AHNAK: variants seen among roughly 807,000 people sequenced by gnomAD.
AHNAK encodes the protein neuroblast differentiation-associated protein AHNAK.
A neutral mutation model predicts 37.8 loss-of-function variants in AHNAK; 23 were observed. That is an observed-to-expected ratio of 0.61 (90% confidence interval 0.44 to 0.86). AHNAK has a LOEUF of 0.86. Ranked by LOEUF, AHNAK falls within the 40% of genes least tolerant of loss-of-function variation. The pLI is 0.00. For synonymous variants in AHNAK, 2,481 were observed against 2,636.3 expected (o/e 0.94, Z 1.80); for missense variants, 7,411 against 7,319.4 (o/e 1.01, Z -0.46).
intron 5 of AHNAK, among the ~76,000 whole-genome samples, chr11:62,446,242 G>T (rs1211241739): frequency 6.6e-6 from 1 of 152,140 alleles, no homozygotes; most frequent in Non-Finnish European, 1.5e-5. Flanking sequence ...AGCCTAGCCT[G>T]TAAGTGCTTG....
rs772081240 is a variant in AHNAK at position 62,491,738 on chromosome 11, TTG to T, written c.434_435del (p.Pro145GlnfsTer16). On this transcript the variant is annotated frameshift_variant, in exon 5 of 6. Transcript: ENST00000257247. LOFTEE classifies it high-confidence loss of function. ...TCCCCATCACTTCTCTCACCTGCAT[TTG>T]GGGTGGAGACTGAAACTGCCCCGGC... The T allele has an allele frequency of 6.2e-7, 1 of 1,610,328 alleles. No homozygotes were observed. Among genetic ancestry groups the T allele is most frequent in the Admixed American group, 1.7e-5 (1 of 59,542 alleles).
chr11:62,524,680 C>T lies in AHNAK; in HGVS notation c.9737G>A (p.Gly3246Asp), dbSNP rs1253721416. The T allele has an allele frequency of 5.6e-6, 9 of 1,614,106 alleles. No homozygotes were observed. The highest frequency in any genetic ancestry group is 6.8e-6 in the Non-Finnish European group (8 of 1,180,054). The change falls in exon 5 of 5, where the codon GGT (glycine) becomes GAT (aspartate). Residue 3246 changes from glycine to aspartate, a missense_variant. Coordinates refer to ENST00000378024, the MANE Select transcript of AHNAK (RefSeq NM_001620.3). ...EVDVSLANVE[G>D]DLKGPALDIK... ...GTCAAGAGCAGGTCCTTTCAAATCA[C>T]CTTCTACATTTGCAAGTGAAACATC...
chr11:62,524,501 T>C lies in AHNAK; in HGVS notation c.9916A>G (p.Lys3306Glu). The C allele has an allele frequency of 3.1e-6, 5 of 1,614,164 alleles. No individual in the cohort carries two copies. The highest frequency in any genetic ancestry group is 1.6e-4 in the Middle Eastern group (1 of 6,062). Reference protein sequence around the residue: ...PEIDLNLKGSKLKGDVDVSGP... With the variant: ...PEIDLNLKGSELKGDVDVSGP... ...GAGACATCAACATCTCCCTTAAGCT[T>C]TGAGCCTTTCAAATTCAAGTCAATT... Residue 3306 changes from lysine to glutamate, a missense_variant, in exon 5 of 5, where the codon AAG (lysine) becomes GAG (glutamate). Transcript: ENST00000378024.
Position 62,522,424 on chromosome 11 carries a change from G to C in AHNAK, c.11993C>G (p.Ala3998Gly). ...KFKMPEMNIK[A>G]PKISMPDFDL... Reference sequence around the variant, plus strand: ...AAAGTCAGGCATGGAGATCTTGGGGGCTTTGATGTTCATCTCTGGCATCTT... The same window carrying C: ...AAAGTCAGGCATGGAGATCTTGGGGCCTTTGATGTTCATCTCTGGCATCTT... The change falls in exon 5 of 5, where the codon GCC becomes GGC. Residue 3998 changes from alanine to glycine, a missense_variant. Ala to Gly is a moderately conservative substitution (Grantham distance 60). Transcript: ENST00000378024. 1 of 1,614,032 alleles carries C rather than the reference G, an allele frequency of 6.2e-7. No homozygotes were observed. Among genetic ancestry groups the C allele is most frequent in the Non-Finnish European group, 8.5e-7 (1 of 1,180,020 alleles).
rs140957913 is a variant in AHNAK at position 62,517,340 on chromosome 11, C to T, written c.17077G>A (p.Ala5693Thr). The T allele has an allele frequency of 1.4e-5, 23 of 1,614,076 alleles. No individual in the cohort carries two copies. The highest frequency in any genetic ancestry group is 2.7e-5 in the African/African-American group (2 of 74,938). The change falls in exon 5 of 5, where the codon GCT (alanine) becomes ACT (threonine). Residue 5693 changes from alanine to threonine, a missense_variant. By Grantham distance (58) the Ala-to-Thr change is moderately conservative. Transcript: ENST00000378024. ...HFPKAEASIQ[A>T]GAGDGEWEES... ...TCCCACTCGCCGTCTCCAGCACCAG[C>T]TTGGATGCTGGCCTCTGCTTTAGGG...
chr11:62,534,126 C>T (rs774768520), intron 4 of AHNAK, 52 bp from the exon 5 acceptor site: 3 of 1,493,758 alleles, frequency 2.0e-6, no homozygotes, highest in South Asian at 1.4e-5. Flanking sequence ...CCTGAGTTAG[C>T]AGATGCCCGG....
chr11:62,519,563 G>C lies in AHNAK; in HGVS notation c.14854C>G (p.Pro4952Ala), dbSNP rs761740931. 1 of 1,611,330 alleles carries C rather than the reference G, an allele frequency of 6.2e-7. No homozygotes were observed. Among genetic ancestry groups the C allele is most frequent in the Non-Finnish European group, 8.5e-7 (1 of 1,178,758 alleles). The change falls in exon 5 of 5, where the codon CCA (proline) becomes GCA (alanine). Residue 4952 changes from proline to alanine, a missense_variant. By Grantham distance (27) the Pro-to-Ala change is conservative. Coordinates refer to ENST00000378024, the MANE Select transcript of AHNAK (RefSeq NM_001620.3). ...CTGTCCATGTGTACATCTAAGCTTGGAGCTTCAACTTTGGGTCCCTTGAGG... is the reference window on the plus strand; with the variant it reads ...CTGTCCATGTGTACATCTAAGCTTGCAGCTTCAACTTTGGGTCCCTTGAGG... ...VDLKGPKVEA[P>A]SLDVHMDSPD...
At position 62,530,810 on chromosome 11, in the gene AHNAK, G is replaced by T. The variant is rs773966471; in HGVS notation, c.3607C>A (p.His1203Asn). 2 of 1,608,136 alleles carry T rather than the reference G, an allele frequency of 1.2e-6. No individual in the cohort carries two copies. The highest frequency in any genetic ancestry group is 1.1e-5 in the South Asian group (1 of 90,782). Reference protein sequence around the residue: ...PKISMPDVDLHLKGPKVKGDV... With the variant: ...PKISMPDVDLNLKGPKVKGDV... ...CCTTTGACTTTGGGGCCTTTCAAGT[G>T]TAAGTCCACATCAGGCATGGAGATC... Residue 1203 changes from histidine to asparagine, a missense_variant, in exon 5 of 5, where the codon CAC (histidine) becomes AAC (asparagine). By Grantham distance (68) the His-to-Asn change is moderately conservative (BLOSUM62 1). Transcript: ENST00000378024.
chr11:62,472,413 C>G (rs1939053026), intron 5 of AHNAK, among the ~76,000 whole-genome samples: 1 of 152,156 alleles, frequency 6.6e-6, no homozygotes, highest in Non-Finnish European at 1.5e-5. Flanking sequence ...TACTGTCCTT[C>G]CACTCTGAGT....
Position 62,518,565 on chromosome 11 carries a change from T to G in AHNAK, c.15852A>C (p.Gly5284=). ...EGPDVSLKGP[G]VDLPSVNLSM... Reference sequence around the variant, plus strand: ...AGAGGTTCACTGAAGGCAAGTCTACTCCTGGCCCCTTTAGAGAAACATCGG... The same window carrying G: ...AGAGGTTCACTGAAGGCAAGTCTACGCCTGGCCCCTTTAGAGAAACATCGG... The change falls in exon 5 of 5, where the codon GGA becomes GGC. Residue 5284 remains glycine (G), a synonymous_variant. Transcript: ENST00000378024. 6.2e-7 allele frequency: 1 copy of G among 1,614,124 alleles called. No homozygotes were observed. Among genetic ancestry groups the G allele is most frequent in the Non-Finnish European group, 8.5e-7 (1 of 1,180,008 alleles).
rs1173861096 is a variant in AHNAK at position 62,516,569 on chromosome 11, GT to G, written c.*174del. The G allele has an allele frequency of 1.4e-4, 200 of 1,458,644 alleles. No individual in the cohort carries two copies. The highest frequency in any genetic ancestry group is 1.7e-4 in the Non-Finnish European group (192 of 1,116,078). The allele number at this position is 1,458,644 out of a possible 1,614,324, so 90.4% of individuals were successfully genotyped here. ...TTGGAACTCTTTACCTATCTGTATA[GT>G]TCCAGGAGCCTACAGGCGGTCGGTT... is the stretch of plus-strand genomic sequence containing the variant. On this transcript the variant is annotated 3_prime_UTR_variant, in exon 5 of 5. Transcript: ENST00000378024.
At chr11:62,453,408 T>C (rs564011290) in intron 5 of AHNAK, among the ~76,000 whole-genome samples, 1 of 152,058 alleles carries the variant, frequency 6.6e-6, no homozygotes. Context: ...GTAACAATAA[T>C]AAGAATAATA....
At chr11:62,454,907 T>A (rs978216465) in intron 5 of AHNAK, among the ~76,000 whole-genome samples, 1 of 147,808 alleles carries the variant, frequency 6.8e-6, no homozygotes, top group African/African-American at 2.5e-5. Context: ...AAGGCTCAGA[T>A]TTGCATTTCT....
At chr11:62,448,223 C>A in intron 5 of AHNAK, among the ~76,000 whole-genome samples, 1 of 152,240 alleles carries the variant, frequency 6.6e-6, no homozygotes, top group East Asian at 1.9e-4. Flanking sequence ...TGGCGTAGAA[C>A]CTTGTAAGCC....
At position 62,517,655 on chromosome 11, in the gene AHNAK, A is replaced by G. The variant is rs1940067849; in HGVS notation, c.16762T>C (p.Leu5588=). 2 of 1,614,100 alleles carry G rather than the reference A, an allele frequency of 1.2e-6. No homozygotes were observed. The highest frequency in any genetic ancestry group is 1.7e-6 in the Non-Finnish European group (2 of 1,180,020). ...APDISLGEGH[L]SVKGSGGEWK... is the part of the protein sequence containing the mutation. ...TCACCCCCGGAACCTTTAACACTCAAATGCCCTTCACCAAGGCTGATGTCT... is the reference window on the plus strand; with the variant it reads ...TCACCCCCGGAACCTTTAACACTCAGATGCCCTTCACCAAGGCTGATGTCT... Residue 5588 remains leucine (L), a synonymous_variant, in exon 5 of 5, where the codon TTG becomes CTG. Coordinates refer to ENST00000378024, the MANE Select transcript of AHNAK (RefSeq NM_001620.3).
At chr11:62,482,155 C>T (rs941151376) in intron 5 of AHNAK, among the ~76,000 whole-genome samples, 2 of 152,196 alleles carry the variant, frequency 1.3e-5, no homozygotes, top group African/African-American at 4.8e-5. Context: ...TGGCTCACAT[C>T]TGTAATCCCA....
intron 4 of AHNAK, among the ~76,000 whole-genome samples, chr11:62,509,042 G>A (rs1340740824): frequency 6.6e-6 from 1 of 152,120 alleles, no homozygotes; most frequent in East Asian, 1.9e-4. Flanking sequence ...ACTTAACCAA[G>A]GAATTGAAAT....
In AHNAK at chr11:62,520,068, C is replaced by T; in HGVS notation, c.14349G>A (p.Val4783=). 6.2e-7 allele frequency: 1 copy of T among 1,612,512 alleles called. No homozygotes were observed. The highest frequency in any genetic ancestry group is 8.5e-7 in the Non-Finnish European group (1 of 1,179,664). The change falls in exon 5 of 5, where the codon GTG becomes GTA. Residue 4783 remains valine, a synonymous_variant. Coordinates refer to ENST00000378024, the MANE Select transcript of AHNAK (RefSeq NM_001620.3). The part of the protein sequence containing the change: ...GPDWHLKMPK[V]KMPKFSMPGF... The stretch of plus-strand genomic sequence containing the variant: ...CAGGCATGCTGAATTTGGGCATTTT[C>T]ACCTTGGGCATCTTCAGGTGCCAGT...
rs1413393746 is a variant in AHNAK at position 62,519,761 on chromosome 11, T to G, written c.14656A>C (p.Lys4886Gln). ...GTLKGPEVDL[K>Q]GPRLDFEGPD... ...CCTTCGAAATCCAGACGTGGACCTTTAAGATCTACTTCTGGGCCTTTCAAA... is the reference window on the plus strand; with the variant it reads ...CCTTCGAAATCCAGACGTGGACCTTGAAGATCTACTTCTGGGCCTTTCAAA... Residue 4886 changes from lysine to glutamine, a missense_variant, in exon 5 of 5, where the codon AAA becomes CAA. Transcript: ENST00000378024. The G allele has an allele frequency of 6.2e-7, 1 of 1,613,038 alleles. No homozygotes were observed. The highest frequency in any genetic ancestry group is 1.3e-5 in the African/African-American group (1 of 74,820).
Sources: gnomAD v4.1 joint callset for allele counts (sites outside exome capture counted in the v4.1 genomes callset) on GRCh38, gnomAD v4.1.1 for gene constraint, MANE v1.5 for transcripts, NCBI Gene and HGNC (gene_info 2026-07-23, HGNC 2026-07-21) for gene names.